LYPLA1: variants seen among roughly 807,000 people sequenced by gnomAD.
LYPLA1 encodes lysophospholipase 1.
A neutral mutation model predicts 34.0 loss-of-function variants in LYPLA1; 17 were observed. That is an observed-to-expected ratio of 0.50 (90% CI 0.34 to 0.75). The LOEUF (loss-of-function observed/expected upper bound fraction) is 0.75, where lower values mean the gene tolerates loss of function less well. Among genes scored for constraint, LYPLA1 ranks in the 30% least tolerant of loss-of-function variants. The pLI is 0.01. For synonymous variants in LYPLA1, 98 were observed against 100.8 expected, an observed-to-expected ratio of 0.97 and a Z score of 0.17; for missense variants, 203 against 288.8, an observed-to-expected ratio of 0.70 and a Z score of 2.15.
At chr8:54,057,577 T>C (rs1024088931) in intron 5 of LYPLA1, among the ~76,000 whole-genome samples, 4 of 152,162 alleles carry the variant, frequency 2.6e-5, no homozygotes, top group Non-Finnish European at 5.9e-5. Flanking sequence ...AGACAAACAT[T>C]GCATGTTCTC....
intron 2 of LYPLA1, among the ~76,000 whole-genome samples, chr8:54,075,452 C>G (rs182067334): frequency 6.6e-6 from 1 of 152,150 alleles, no homozygotes; most frequent in African/African-American, 2.4e-5. Context: ...GCAGCCATGT[C>G]GAGACGGACG....
intron 6 of LYPLA1, 87 bp from the exon 7 acceptor site, chr8:54,052,843 A>T: frequency 2.5e-6 from 2 of 799,052 alleles, no homozygotes; most frequent in Non-Finnish European, 4.2e-6. Context: ...TGATATCCAT[A>T]AAAAAATCAA....
chr8:54,052,008 G>A (rs759543870), intron 7 of LYPLA1, among the ~76,000 whole-genome samples: 15 of 151,784 alleles, frequency 9.9e-5, no homozygotes, highest in South Asian at 2.1e-4. Flanking sequence ...GCACCACGAC[G>A]CCCAGCTAAT....
rs1563642470 is a variant in LYPLA1 at position 54,084,137 on chromosome 8, A to ATATATATATATATATATAT, written c.101+16770_101+16771insATATATATATATATATATA. 5.0e-5 allele frequency among the ~76,000 whole-genome samples: 6 copies of ATATATATATATATATATAT among 120,130 alleles called. 1 individual carries two copies. Among genetic ancestry groups the ATATATATATATATATATAT allele is most frequent in the African/African-American group, 2.3e-4 (5 of 21,332 alleles). 78.8% of individuals were successfully genotyped at this position (120,130 alleles called of 152,430 possible). ...TGGGAGACCAAAGAAAAAAAAAATA[A>ATATATATATATATATATAT]ATAAATATATATATATATATATATA... On this transcript the variant is annotated intron_variant, in intron 2 of 8. Coordinates refer to ENST00000316963, the MANE Select transcript of LYPLA1 (RefSeq NM_006330.4).
intron 2 of LYPLA1, among the ~76,000 whole-genome samples, chr8:54,081,926 C>T (rs925792707): frequency 6.6e-5 from 10 of 152,046 alleles, no homozygotes; most frequent in Admixed American, 1.3e-4. Flanking sequence ...GATGGGGTTT[C>T]GCCATGTTGG....
intron 1 of LYPLA1, chr8:54,101,398 C>T: frequency 1.9e-6 from 2 of 1,055,116 alleles, no homozygotes; most frequent in Non-Finnish European, 2.3e-6. Context: ...GATAAGAGTG[C>T]GAGGTGACAA....
At chr8:54,064,253 A>T (rs1289624996) in intron 3 of LYPLA1, among the ~76,000 whole-genome samples, 1 of 25,918 alleles carries the variant, frequency 3.9e-5, no homozygotes, top group Non-Finnish European at 6.8e-5. Context: ...TGTCTCTATT[A>T]AAAATACAAA....
At chr8:54,091,287 A>C (rs1423078985) in intron 2 of LYPLA1, among the ~76,000 whole-genome samples, 1 of 152,000 alleles carries the variant, frequency 6.6e-6, no homozygotes, top group Non-Finnish European at 1.5e-5. Flanking sequence ...CAGGAGTTCA[A>C]GACCAACCTG....
rs375219865 is a variant in LYPLA1, at chr8:54,077,142, T to C, written c.102-11329A>G. Among the ~76,000 whole-genome samples the C allele has an allele frequency of 1.3e-4, 19 of 151,908 alleles. No homozygotes were observed. In the East Asian group the frequency reaches 3.3e-3, roughly 26 times the overall value. ...AAGAAAATATCGTACATATACACCA[T>C]GAATTGTTATGCAGCCATTAAAAAA... is the stretch of plus-strand genomic sequence containing the variant. On this transcript the variant is annotated intron_variant, in intron 2 of 8. Coordinates refer to ENST00000316963, the MANE Select transcript of LYPLA1 (RefSeq NM_006330.4).
chr8:54,075,933 C>T (rs369363200), intron 2 of LYPLA1, among the ~76,000 whole-genome samples: 3 of 152,246 alleles, frequency 2.0e-5, no homozygotes, highest in East Asian at 3.9e-4. Flanking sequence ...TGATTGGTCC[C>T]CTAAGGGGAT....
intron 2 of LYPLA1, among the ~76,000 whole-genome samples, chr8:54,090,126 G>A (rs1340907265): frequency 6.6e-6 from 1 of 152,208 alleles, no homozygotes; most frequent in Non-Finnish European, 1.5e-5. Context: ...AACAGAATGC[G>A]ACCCTTGTGG....
At chr8:54,086,643 G>A (rs1035336161) in intron 2 of LYPLA1, among the ~76,000 whole-genome samples, 1 of 150,556 alleles carries the variant, frequency 6.6e-6, no homozygotes, top group Non-Finnish European at 1.5e-5. Flanking sequence ...TGGGGGGATT[G>A]CTTGAGCCCA....
In LYPLA1 at chr8:54,081,613, C is replaced by A. The variant is rs934420609; in HGVS notation, c.102-15800G>T. Among the ~76,000 whole-genome samples, 4 of 152,038 alleles carry A rather than the reference C, an allele frequency of 2.6e-5. No homozygotes were observed. In the South Asian group the frequency reaches 6.2e-4, roughly 24 times the overall value. ...CAAGCGCGCCACCATGACAGGGTTT[C>A]ACCATGCTGGTCAGGCTGGTCTCAA... On this transcript the variant is annotated intron_variant, in intron 2 of 8. Coordinates refer to ENST00000316963, the MANE Select transcript of LYPLA1 (RefSeq NM_006330.4).
intron 2 of LYPLA1, among the ~76,000 whole-genome samples, chr8:54,079,690 G>A (rs1808169653): frequency 6.6e-6 from 1 of 152,110 alleles, no homozygotes; most frequent in Admixed American, 6.5e-5. Flanking sequence ...AGTTACTCAG[G>A]AGACTGAGGT....
chr8:54,099,282 TTCA>T (rs1335469524), intron 2 of LYPLA1, among the ~76,000 whole-genome samples: 8 of 152,152 alleles, frequency 5.3e-5, no homozygotes, highest in East Asian at 1.9e-4. Flanking sequence ...GTAAAATAAG[TTCA>T]TCATTTTCAC....
intron 5 of LYPLA1, among the ~76,000 whole-genome samples, chr8:54,058,618 C>CTG (rs201196380): frequency 7.7e-4 from 113 of 147,652 alleles, no homozygotes; most frequent in African/African-American, 2.7e-3. Context: ...CTGTCTCTGT[C>CTG]TCTCTCTCTC....
At chr8:54,074,162 T>G (rs1440199806) in intron 2 of LYPLA1, among the ~76,000 whole-genome samples, 4 of 152,116 alleles carry the variant, frequency 2.6e-5, no homozygotes, top group Non-Finnish European at 5.9e-5. Flanking sequence ...TAGTCCCAGC[T>G]ACTTGGGAGA....
At chr8:54,091,401 C>T (rs774352335) in intron 2 of LYPLA1, among the ~76,000 whole-genome samples, 4 of 151,694 alleles carry the variant, frequency 2.6e-5, no homozygotes, top group South Asian at 2.1e-4. Context: ...GGCAGAGAAT[C>T]GCTTGAACCC....
intron 5 of LYPLA1, among the ~76,000 whole-genome samples, chr8:54,060,580 G>A (rs1010322561): frequency 1.3e-5 from 2 of 152,090 alleles, no homozygotes; most frequent in Non-Finnish European, 2.9e-5. Flanking sequence ...ACTTCACAGC[G>A]GTGTCAAATG....
Sources: allele counts gnomAD v4.1 joint callset (sites outside exome capture counted in the v4.1 genomes callset), GRCh38; gene constraint gnomAD v4.1.1; transcripts MANE v1.5; gene names NCBI Gene and HGNC (gene_info 2026-07-23, HGNC 2026-07-21).